The following RGS22 variants were observed in gnomAD, a reference collection of about 807,000 sequenced individuals.
RGS22 encodes regulator of G-protein signaling 22.
In RGS22, 148 loss-of-function variants were observed where a neutral mutation model predicts 172.9. The ratio of observed to expected loss-of-function variants is 0.86; its 90% CI spans 0.75 to 0.98. RGS22 has a LOEUF of 0.98. Ranked by LOEUF, RGS22 falls within the 50% of genes least tolerant of loss-of-function variation. The probability of loss-of-function intolerance (pLI) is 0.00; values close to 1 mark genes in which losing one functional copy is unlikely to be tolerated. For missense variants in RGS22, 1,347 were observed against 1,440.8 expected (o/e 0.93, Z 1.05); for synonymous variants, 458 against 480.2 (o/e 0.95, Z 0.60).
Position 100,004,073 on chromosome 8 carries a change from C to T in RGS22, c.2480G>A (p.Gly827Asp), listed in dbSNP as rs751884714. Residue 827 changes from glycine to aspartate, a missense_variant, in exon 17 of 28, where the codon GGC becomes GAC. By Grantham distance (94) the Gly-to-Asp change is moderately conservative (BLOSUM62 -1). Transcript: ENST00000360863. ...AEDTTCEIGT[G>D]ILSLSNVSKR... ...AGAGACGTTAGAGAGTGATAAAATG[C>T]CAGTTCCAATTTCACAAGTGGTGTC... 5 of 1,599,334 alleles carry T rather than the reference C, an allele frequency of 3.1e-6. No homozygotes were observed. Among genetic ancestry groups the T allele is most frequent in the East Asian group, 2.3e-5 (1 of 44,234 alleles).
intron 2 of RGS22, among the ~76,000 whole-genome samples, chr8:100,100,965 T>C (rs574882168): frequency 6.6e-6 from 1 of 152,286 alleles, no homozygotes; most frequent in Non-Finnish European, 1.5e-5. Context: ...CAGAAAACCT[T>C]CAACAAAATA....
At chr8:100,061,703 T>A (rs1406986062) in intron 9 of RGS22, among the ~76,000 whole-genome samples, 1 of 151,852 alleles carries the variant, frequency 6.6e-6, no homozygotes, top group East Asian at 1.9e-4. Flanking sequence ...TTGGTGGGAG[T>A]GTAAATTAGT....
intron 22 of RGS22, 151 bp downstream of exon 22, chr8:99,981,786 T>A: frequency 5.2e-6 from 2 of 385,326 alleles, no homozygotes; most frequent in Admixed American, 3.7e-5. Flanking sequence ...GGTCTCAAAC[T>A]CCTGAGCTCA....
chr8:99,991,755 G>A (rs1813746766), intron 20 of RGS22, among the ~76,000 whole-genome samples: 2 of 152,122 alleles, frequency 1.3e-5, no homozygotes, highest in Non-Finnish European at 2.9e-5. Context: ...TCAAATTCAG[G>A]AAATACAGAA....
chr8:99,995,839 T>G (rs537803422), intron 20 of RGS22, among the ~76,000 whole-genome samples: 1 of 152,124 alleles, frequency 6.6e-6, no homozygotes, highest in African/African-American at 2.4e-5. Flanking sequence ...CTATTCACAA[T>G]AGCAAAGACT....
chr8:99,996,561 T>C, intron 19 of RGS22, 31 bp from the exon 20 acceptor site: 2 of 1,553,838 alleles, frequency 1.3e-6, no homozygotes, highest in Non-Finnish European at 1.8e-6. Flanking sequence ...TTTATCCCAG[T>C]TATTCAGACT....
chr8:100,089,590 G>C (rs1463349470), intron 3 of RGS22, among the ~76,000 whole-genome samples: 3 of 152,200 alleles, frequency 2.0e-5, no homozygotes, highest in Non-Finnish European at 2.9e-5. Context: ...GTTTGGCAGA[G>C]CAACTCTTAA....
In RGS22 at chr8:100,002,292, C is replaced by T. The variant is rs747007977; in HGVS notation, c.2700G>A (p.Lys900=). ...RITYRDRNQR[K]AKSIYIKNKY... Reference sequence around the variant, plus strand: ...TGTTTTTAATGTATATAGATTTTGCCTTCCTTTGATTTCGATCTCTGTAAG... The same window carrying T: ...TGTTTTTAATGTATATAGATTTTGCTTTCCTTTGATTTCGATCTCTGTAAG... Residue 900 remains lysine, a synonymous_variant, in exon 18 of 28, where the codon AAG becomes AAA. Coordinates refer to ENST00000360863, the MANE Select transcript of RGS22 (RefSeq NM_015668.5). The T allele has an allele frequency of 6.2e-7, 1 of 1,611,780 alleles. No homozygotes were observed. The highest frequency in any genetic ancestry group is 8.5e-7 in the Non-Finnish European group (1 of 1,179,180).
intron 2 of RGS22, among the ~76,000 whole-genome samples, chr8:100,096,663 TA>T (rs545113362): frequency 3.2e-3 from 435 of 135,330 alleles, no homozygotes; most frequent in Middle Eastern, 0.012. Context: ...TTAGCTAATT[TA>T]AAAAAAATTT....
Position 100,105,980 on chromosome 8 carries a change from G to T in RGS22, c.-59C>A. On this transcript the variant is annotated 5_prime_UTR_variant, in exon 1 of 28. Transcript: ENST00000360863. ...GGGCCGTCAGGGCCCTAGCGCGCGG[G>T]TCCAGCGCGGGTCAGGGCCTGAGCG... 1 of 1,334,520 alleles carries T rather than the reference G, an allele frequency of 7.5e-7. No homozygotes were observed. Among genetic ancestry groups the T allele is most frequent in the Non-Finnish European group, 9.5e-7 (1 of 1,047,378 alleles). 82.7% of individuals were successfully genotyped at this position (1,334,520 alleles called of 1,614,324 possible). A position where few individuals can be genotyped will look rare whatever the true frequency, so the allele number is the denominator to read the frequency against.
chr8:100,051,721 T>G lies in RGS22; in HGVS notation c.1689+1081A>C, dbSNP rs191382884. On this transcript the variant is annotated intron_variant, in intron 10 of 27. Transcript: ENST00000360863. ...TATATACGTATATATAAATATATAT[T>G]TATATATACGTATATATAAATATAT... Among the ~76,000 whole-genome samples the G allele has an allele frequency of 6.8e-3, 121 of 17,908 alleles. 40 individuals carry two copies. The highest frequency in any genetic ancestry group is 0.015 in the African/African-American group (69 of 4,664). 11.7% of individuals were successfully genotyped at this position (17,908 alleles called of 152,430 possible).
intron 14 of RGS22, among the ~76,000 whole-genome samples, chr8:100,019,516 T>G (rs146858556): frequency 1.2e-3 from 176 of 152,322 alleles, no homozygotes; most frequent in African/African-American, 3.9e-3. Context: ...AATGAGTCCC[T>G]CAGTACATAA....
At chr8:100,077,862 T>C (rs548047412) in intron 4 of RGS22, among the ~76,000 whole-genome samples, 2 of 152,328 alleles carry the variant, frequency 1.3e-5, no homozygotes, top group East Asian at 3.9e-4. Context: ...TCTCCTTTCA[T>C]TTCTATCAGC....
At chr8:99,966,043 G>T (rs1237674863) in intron 23 of RGS22, among the ~76,000 whole-genome samples, 2 of 152,068 alleles carry the variant, frequency 1.3e-5, no homozygotes, top group Non-Finnish European at 2.9e-5. Context: ...GCACTAAAAG[G>T]TTTGCTGAAT....
chr8:100,045,975 A>C (rs1320960742), intron 11 of RGS22, among the ~76,000 whole-genome samples: 1 of 152,012 alleles, frequency 6.6e-6, no homozygotes, highest in Non-Finnish European at 1.5e-5. Context: ...AGTATGGTAT[A>C]AAATGAAAGA....
Position 99,962,914 on chromosome 8 carries a change from T to G in RGS22, c.3680A>C (p.Gln1227Pro). 6.2e-7 allele frequency: 1 copy of G among 1,601,612 alleles called. No homozygotes were observed. Among genetic ancestry groups the G allele is most frequent in the South Asian group, 1.1e-5 (1 of 87,068 alleles). ...AAACAACTTTTTTTCTAGTTCTTCT[T>G]GGATCTTAAGAAGAATTCTCTCCTG... ...LEQERILLKIQEELEKKLFAG... is the reference protein window; with the variant it reads ...LEQERILLKIPEELEKKLFAG... The change falls in exon 25 of 28, where the codon CAA becomes CCA. Residue 1227 changes from glutamine to proline, a missense_variant. Gln to Pro is a moderately conservative substitution (Grantham distance 76). Coordinates refer to ENST00000360863, the MANE Select transcript of RGS22 (RefSeq NM_015668.5).
Position 99,962,989 on chromosome 8 carries a change from C to A in RGS22, c.3616-11G>T. 1 of 1,549,134 alleles carries A rather than the reference C, an allele frequency of 6.5e-7. No homozygotes were observed. The highest frequency in any genetic ancestry group is 1.4e-5 in the African/African-American group (1 of 71,240). The stretch of plus-strand genomic sequence containing the variant: ...GTAGCACCAGGTTGGCTAAAAAAAG[C>A]AATTTTCAAAGTTAATTCTGAAATG... On this transcript the variant is annotated splice_polypyrimidine_tract_variant and intron_variant, in intron 24 of 27. Coordinates refer to ENST00000360863, the MANE Select transcript of RGS22 (RefSeq NM_015668.5).
intron 14 of RGS22, among the ~76,000 whole-genome samples, chr8:100,034,286 T>C (rs976397461): frequency 2.6e-5 from 4 of 152,124 alleles, no homozygotes; most frequent in Non-Finnish European, 5.9e-5. Context: ...ACAAAATCAA[T>C]GTGCAAAAAT....
At chr8:100,052,188 CAT>C (rs1475480506) in intron 10 of RGS22, among the ~76,000 whole-genome samples, 2 of 38,146 alleles carry the variant, frequency 5.2e-5, no homozygotes, top group Non-Finnish European at 1.1e-4. Context: ...AATATATAAA[CAT>C]ATATAAATAT....
Sources: allele counts gnomAD v4.1 joint callset (sites outside exome capture counted in the v4.1 genomes callset), GRCh38; gene constraint gnomAD v4.1.1; transcripts MANE v1.5; gene names NCBI Gene and HGNC (gene_info 2026-07-23, HGNC 2026-07-21).